Variants in TLCD4 observed in about 807,000 individuals in gnomAD.
TLCD4 encodes the protein TLC domain containing 4.
Under a neutral mutation model 24.2 loss-of-function variants are expected in TLCD4, and 7 were observed. That is an observed-to-expected ratio of 0.29 (90% confidence interval 0.16 to 0.54). The LOEUF (loss-of-function observed/expected upper bound fraction) is 0.54, where lower values mean the gene tolerates loss of function less well. Among genes scored for constraint, TLCD4 ranks in the 20% least tolerant of loss-of-function variants. The pLI, the probability that TLCD4 is intolerant of heterozygous loss-of-function variation, is 0.95. For missense variants in TLCD4, 259 were observed against 313.9 expected, an observed-to-expected ratio of 0.82 and a Z score of 1.32; for synonymous variants, 103 against 106.4, an observed-to-expected ratio of 0.97 and a Z score of 0.20.
intron 6 of TLCD4, among the ~76,000 whole-genome samples, chr1:95,180,501 T>C (rs1380377541): frequency 6.6e-6 from 1 of 152,174 alleles, no homozygotes; most frequent in African/African-American, 2.4e-5. Flanking sequence ...TTGAGATATT[T>C]TTATTTTCTC....
At chr1:95,127,093 A>G (rs2100909310) in intron 1 of TLCD4, among the ~76,000 whole-genome samples, 1 of 152,358 alleles carries the variant, frequency 6.6e-6, no homozygotes, top group East Asian at 1.9e-4. Flanking sequence ...CCCATTTTAA[A>G]GAACCCGCAG....
chr1:95,150,092 T>G, intron 3 of TLCD4, 116 bp from the exon 4 acceptor site: 1 of 1,357,142 alleles, frequency 7.4e-7, no homozygotes, highest in Non-Finnish European at 9.9e-7. Flanking sequence ...GATGACAGCT[T>G]ACCATTTGAG....
chr1:95,107,803 T>G, the TLCD4 span, among the ~76,000 whole-genome samples: 3 of 152,212 alleles, frequency 2.0e-5, no homozygotes, highest in African/African-American at 7.2e-5. Context: ...TCTAGTATTA[T>G]CCAAGCAACG....
chr1:95,159,999 C>T (rs1281630737), intron 5 of TLCD4, among the ~76,000 whole-genome samples: 1 of 152,068 alleles, frequency 6.6e-6, no homozygotes, highest in East Asian at 1.9e-4. Context: ...GCTCTTTTTT[C>T]ATTCCATATG....
chr1:95,179,097 A>C (rs1571778546), intron 6 of TLCD4, among the ~76,000 whole-genome samples: 1 of 152,042 alleles, frequency 6.6e-6, no homozygotes, highest in South Asian at 2.1e-4. Flanking sequence ...CCAGTTTCTA[A>C]CTCTGTACTG....
At chr1:95,137,585 C>G (rs1314737557) in intron 1 of TLCD4, among the ~76,000 whole-genome samples, 1 of 152,066 alleles carries the variant, frequency 6.6e-6, no homozygotes, top group African/African-American at 2.4e-5. Flanking sequence ...GCTGGTAATC[C>G]TAACCTCACC....
the TLCD4 span, among the ~76,000 whole-genome samples, chr1:95,104,177 G>A: frequency 6.6e-6 from 1 of 152,288 alleles, no homozygotes; most frequent in South Asian, 2.1e-4. Context: ...TATCAGGTAA[G>A]ACTCTCCCTC....
intron 5 of TLCD4, among the ~76,000 whole-genome samples, chr1:95,167,373 T>A (rs1470259884): frequency 6.6e-6 from 1 of 152,168 alleles, no homozygotes; most frequent in African/African-American, 2.4e-5. Context: ...GAGGAAGTTT[T>A]AAAAAGTTTG....
the TLCD4 span, among the ~76,000 whole-genome samples, chr1:95,105,217 T>A: frequency 1.1e-4 from 16 of 152,144 alleles, no homozygotes; most frequent in Non-Finnish European, 1.6e-4. Flanking sequence ...AGTAGAAGAA[T>A]CTTGAAGGAA....
intron 1 of TLCD4, among the ~76,000 whole-genome samples, chr1:95,143,026 T>G (rs978900208): frequency 2.0e-5 from 3 of 151,960 alleles, no homozygotes; most frequent in Admixed American, 1.3e-4. Flanking sequence ...TGGCTGGCAG[T>G]CAGTCAGATT....
At chr1:95,165,325 A>G (rs1260476558) in intron 5 of TLCD4, 1 of 152,204 alleles carries the variant, frequency 6.6e-6, no homozygotes, top group Non-Finnish European at 1.5e-5. Flanking sequence ...TTAACCAATG[A>G]CTATTGTTAT....
intron 6 of TLCD4, among the ~76,000 whole-genome samples, chr1:95,189,467 A>C (rs1172090370): frequency 1.3e-5 from 2 of 152,206 alleles, no homozygotes; most frequent in African/African-American, 4.8e-5. Flanking sequence ...GGTTTTGATA[A>C]GTGCATAATG....
At chr1:95,128,403 G>A (rs185886885) in intron 1 of TLCD4, among the ~76,000 whole-genome samples, 258 of 152,268 alleles carry the variant, frequency 1.7e-3, no homozygotes, top group African/African-American at 6.0e-3. Flanking sequence ...AATTATGTCA[G>A]ATTTAATTTA....
chr1:95,139,332 T>C (rs1677135062), intron 1 of TLCD4, among the ~76,000 whole-genome samples: 1 of 151,996 alleles, frequency 6.6e-6, no homozygotes, highest in Admixed American at 6.6e-5. Flanking sequence ...AACATTACTG[T>C]AGGCTTTATA....
At chr1:95,152,269 T>C (rs967765932) in intron 5 of TLCD4, among the ~76,000 whole-genome samples, 3 of 152,020 alleles carry the variant, frequency 2.0e-5, no homozygotes, top group Non-Finnish European at 2.9e-5. Flanking sequence ...TATAAGAAGG[T>C]TTTTTTCTAT....
At chr1:95,114,723 G>A (rs1251229156), upstream of TLCD4, among the ~76,000 whole-genome samples, 1 of 151,890 alleles carries the variant, frequency 6.6e-6, no homozygotes, top group Non-Finnish European at 1.5e-5. Flanking sequence ...CCAGGTATTC[G>A]GGAGGCTGAA....
intron 1 of TLCD4, among the ~76,000 whole-genome samples, chr1:95,125,142 C>T (rs1167141126): frequency 6.6e-6 from 1 of 152,138 alleles, no homozygotes; most frequent in Non-Finnish European, 1.5e-5. Flanking sequence ...AAATTCTTGC[C>T]TTGGGAATGT....
chr1:95,124,311 G>T (rs1676652059), intron 1 of TLCD4, among the ~76,000 whole-genome samples: 1 of 152,206 alleles, frequency 6.6e-6, no homozygotes, highest in Admixed American at 6.5e-5. Context: ...GCAGCAAAGA[G>T]AAGAGGCAAA....
At chr1:95,131,905 T>A (rs984684838) in intron 1 of TLCD4, among the ~76,000 whole-genome samples, 1 of 152,210 alleles carries the variant, frequency 6.6e-6, no homozygotes. Context: ...AGATCCCTCA[T>A]GAGTGGCTTG....
Sources: gnomAD v4.1 joint callset for allele counts (sites outside exome capture counted in the v4.1 genomes callset) on GRCh38, gnomAD v4.1.1 for gene constraint, MANE v1.5 for transcripts, NCBI Gene and HGNC (gene_info 2026-07-23, HGNC 2026-07-21) for gene names.